The following SLC7A11 variants were observed in gnomAD, a reference collection of about 807,000 sequenced individuals.
SLC7A11 encodes solute carrier family 7 member 11.
Under a neutral mutation model 54.5 loss-of-function variants are expected in SLC7A11, and 35 were observed. The ratio of observed to expected loss-of-function variants is 0.64; its 90% CI spans 0.49 to 0.85. SLC7A11 has a LOEUF of 0.85. SLC7A11 is among the 40% of genes least tolerant of loss of function. SLC7A11 has a pLI of 0.00. For missense variants in SLC7A11, 583 were observed against 618.1 expected (o/e 0.94, Z 0.60); for synonymous variants, 230 against 225.2 (o/e 1.02, Z -0.19).
chr4:138,181,372 AG>A, intron 9 of SLC7A11, among the ~76,000 whole-genome samples: 1 of 152,050 alleles, frequency 6.6e-6, no homozygotes, highest in Admixed American at 6.6e-5. Flanking sequence ...ACCACGGAGA[AG>A]AATGAAGCGC....
At chr4:138,180,908 T>G in intron 9 of SLC7A11, 118 bp from the exon 10 acceptor site, 1 of 918,318 alleles carries the variant, frequency 1.1e-6, no homozygotes, top group Non-Finnish European at 1.6e-6. Flanking sequence ...CGATAAATTA[T>G]CATCATAGTT....
At chr4:138,174,224 CCG>C (rs1226860817) in intron 11 of SLC7A11, among the ~76,000 whole-genome samples, 2 of 152,224 alleles carry the variant, frequency 1.3e-5, no homozygotes, top group Non-Finnish European at 2.9e-5. Context: ...CATCTTGCTT[CCG>C]CATGTCATAA....
intron 3 of SLC7A11, among the ~76,000 whole-genome samples, chr4:138,227,615 A>G (rs1051315011): frequency 2.0e-5 from 3 of 152,178 alleles, no homozygotes; most frequent in African/African-American, 7.2e-5. Flanking sequence ...GCATGTTTGC[A>G]TAGGTAGTAA....
chr4:138,199,403 A>G (rs550902077), intron 6 of SLC7A11, among the ~76,000 whole-genome samples: 5 of 152,266 alleles, frequency 3.3e-5, no homozygotes, highest in Admixed American at 1.3e-4. Flanking sequence ...TTGACTTCCA[A>G]TAAGGTACAG....
At chr4:138,210,727 T>C (rs189081091) in intron 6 of SLC7A11, among the ~76,000 whole-genome samples, 1 of 152,170 alleles carries the variant, frequency 6.6e-6, no homozygotes. Context: ...AGGGCTATTA[T>C]TAGAAAGTCA....
At position 138,237,712 on chromosome 4, in the gene SLC7A11, TATATATATATATATATATATATATA is replaced by T. The variant is rs1294326255; in HGVS notation, c.278-1286_278-1262del. On this transcript the variant is annotated intron_variant, in intron 1 of 11. Coordinates refer to ENST00000280612, the MANE Select transcript of SLC7A11 (RefSeq NM_014331.4). ...TGCGCCTAGCCAGAATATATATATA[TATATATATATATATATATATATATA>T]TTTTTTTTTTTTTTTTTTTTTTTTT... Among the ~76,000 whole-genome samples, 119 of 6,372 alleles carry T rather than the reference TATATATATATATATATATATATATA, an allele frequency of 0.019. 5 individuals carry two copies. In the East Asian group the frequency reaches 0.22, roughly 12 times the overall value. 4.2% of individuals were successfully genotyped at this position (6,372 alleles called of 152,430 possible). A position where few individuals can be genotyped will look rare whatever the true frequency, so the allele number is the denominator to read the frequency against.
intron 6 of SLC7A11, among the ~76,000 whole-genome samples, chr4:138,211,353 A>G (rs1320342964): frequency 6.6e-6 from 1 of 151,858 alleles, no homozygotes; most frequent in African/African-American, 2.4e-5. Context: ...CATGCAATAT[A>G]TCCATATAAC....
In SLC7A11 at chr4:138,241,860, G is replaced by A. The variant is rs944234044; in HGVS notation, c.210C>T (p.Leu70=). 5 of 1,614,050 alleles carry A rather than the reference G, an allele frequency of 3.1e-6. No homozygotes were observed. In the South Asian group the frequency reaches 3.3e-5, roughly 11 times the overall value. Residue 70 remains leucine (L), a synonymous_variant, in exon 1 of 12, where the codon CTC becomes CTT. Transcript: ENST00000280612. Reference sequence around the variant, plus strand: ...ACATGCCCACGCTGCCCGTGTTCTGGAGCACGCCCTTAGGAGAGATGAAGA... The same window carrying A: ...ACATGCCCACGCTGCCCGTGTTCTGAAGCACGCCCTTAGGAGAGATGAAGA... The part of the protein sequence containing the change: ...AGIFISPKGV[L]QNTGSVGMSL...
chr4:138,209,023 AG>A (rs1379974546), intron 6 of SLC7A11, among the ~76,000 whole-genome samples: 4 of 152,038 alleles, frequency 2.6e-5, no homozygotes, highest in Non-Finnish European at 5.9e-5. Context: ...GCAGCTCAAA[AG>A]TTATTTCTTG....
chr4:138,218,540 T>A (rs1487473944), intron 5 of SLC7A11, among the ~76,000 whole-genome samples: 3 of 152,222 alleles, frequency 2.0e-5, no homozygotes, highest in African/African-American at 7.2e-5. Context: ...ATTACTGTTT[T>A]TCAAGTATCT....
chr4:138,200,630 A>C (rs1012564440), intron 6 of SLC7A11, among the ~76,000 whole-genome samples: 2 of 152,132 alleles, frequency 1.3e-5, no homozygotes, highest in African/African-American at 4.8e-5. Flanking sequence ...GAAAAGGATC[A>C]GGATTTTAAC....
chr4:138,195,796 G>A (rs749350118), intron 6 of SLC7A11, among the ~76,000 whole-genome samples: 15 of 151,978 alleles, frequency 9.9e-5, no homozygotes, highest in African/African-American at 3.6e-4. Context: ...CATTATTAAG[G>A]GCCCTTGAAG....
intron 6 of SLC7A11, among the ~76,000 whole-genome samples, chr4:138,194,492 T>C (rs1411980087): frequency 6.6e-6 from 1 of 152,190 alleles, no homozygotes; most frequent in Non-Finnish European, 1.5e-5. Context: ...CACTATCTAA[T>C]GGCTCAGGGA....
chr4:138,181,306 A>G (rs150535342), intron 9 of SLC7A11, among the ~76,000 whole-genome samples: 3 of 152,090 alleles, frequency 2.0e-5, no homozygotes, highest in African/African-American at 7.2e-5. Flanking sequence ...CAAAACATTG[A>G]CCTTTTTTCC....
Position 138,214,613 on chromosome 4 carries a change from C to T in SLC7A11, c.763G>A (p.Val255Ile). 1 of 1,425,272 alleles carries T rather than the reference C, an allele frequency of 7.0e-7. No individual in the cohort carries two copies. The highest frequency in any genetic ancestry group is 9.5e-7 in the Non-Finnish European group (1 of 1,048,708). The allele number at this position is 1,425,272 out of a possible 1,614,324, so 88.3% of individuals were successfully genotyped here. Residue 255 changes from valine to isoleucine, a missense_variant, in exon 6 of 12, where the codon GTT becomes ATT. Transcript: ENST00000280612. ...TCAGGGTTTTCTACTTCTTCAGTAA[C>T]AAAGTTGAGGTAAAACCTAAAAATA... ...AYAGWFYLNF[V>I]TEEVENPEKT...
At chr4:138,219,510 G>A (rs1425581466) in intron 4 of SLC7A11, 145 bp from the exon 5 acceptor site, 3 of 580,712 alleles carry the variant, frequency 5.2e-6, no homozygotes, top group Non-Finnish European at 9.2e-6. Flanking sequence ...TATCAATACT[G>A]TACCCATTCT....
intron 11 of SLC7A11, among the ~76,000 whole-genome samples, chr4:138,173,582 C>T (rs917846758): frequency 1.3e-5 from 2 of 151,140 alleles, no homozygotes; most frequent in African/African-American, 4.9e-5. Context: ...TGCTGTAAGC[C>T]GAGATTGCAC....
chr4:138,203,600 C>T (rs1436538654), intron 6 of SLC7A11, among the ~76,000 whole-genome samples: 1 of 151,978 alleles, frequency 6.6e-6, no homozygotes, highest in Non-Finnish European at 1.5e-5. Context: ...CATGATTTAT[C>T]ATATTGTCTG....
rs1170172476 is a variant in SLC7A11 at position 138,165,820 on chromosome 4, G to A, written c.*6136C>T. ...TATAGAAATTTGATTTATACCAGTA[G>A]TAATAACATTCATAAGGAAAAACTA... On this transcript the variant is annotated 3_prime_UTR_variant, in exon 12 of 12. Transcript: ENST00000280612. The A allele has an allele frequency of 1.3e-5, 2 of 152,082 alleles. No homozygotes were observed. Among genetic ancestry groups the A allele is most frequent in the Non-Finnish European group, 2.9e-5 (2 of 67,992 alleles). The allele number at this position is 152,082 out of a possible 1,614,324, so 9.4% of individuals were successfully genotyped here.
Sources: allele counts gnomAD v4.1 joint callset (sites outside exome capture counted in the v4.1 genomes callset), GRCh38; gene constraint gnomAD v4.1.1; transcripts MANE v1.5; gene names NCBI Gene and HGNC (gene_info 2026-07-23, HGNC 2026-07-21).